ZER1: variants seen among roughly 807,000 people sequenced by gnomAD.
ZER1 encodes zyg-11 related cell cycle regulator, also known as protein zer-1 homolog.
A neutral mutation model predicts 78.8 loss-of-function variants in ZER1; 11 were observed. That is an observed-to-expected ratio of 0.14 (90% CI 0.09 to 0.23). The LOEUF (loss-of-function observed/expected upper bound fraction) is 0.23, where lower values mean the gene tolerates loss of function less well. ZER1 is among the 10% of genes least tolerant of loss of function. The pLI, the probability that ZER1 is intolerant of heterozygous loss-of-function variation, is 1.00. For synonymous variants in ZER1, 400 were observed against 407.0 expected, an observed-to-expected ratio of 0.98 and a Z score of 0.21; for missense variants, 588 against 996.9, an observed-to-expected ratio of 0.59 and a Z score of 5.52.
chr9:128,755,494 G>A lies in ZER1; in HGVS notation c.72C>T (p.Thr24=), dbSNP rs1457851789. The change falls in exon 2 of 16, where the codon ACC becomes ACT. Residue 24 remains threonine, a synonymous_variant. Coordinates refer to ENST00000291900, the MANE Select transcript of ZER1 (RefSeq NM_006336.4). This position sits in a 1 kb window ranked among gnomAD's most constrained non-coding sequence, Gnocchi z 5.6. ...TCTCCTTGTCCAGCAGGTAGCCCAG[G>A]GTGCCATCCAGGTTGCGCAAGCAGA... The part of the protein sequence containing the change: ...TDFCLRNLDG[T]LGYLLDKETL... The A allele has an allele frequency of 6.2e-7, 1 of 1,613,854 alleles. No homozygotes were observed. Among genetic ancestry groups the A allele is most frequent in the South Asian group, 1.1e-5 (1 of 91,066 alleles).
At position 128,753,062 on chromosome 9, in the gene ZER1, G is replaced by C; in HGVS notation, c.746+102C>G. On this transcript the variant is annotated intron_variant, in intron 4 of 15. Transcript: ENST00000291900. This position sits in a 1 kb window ranked among gnomAD's most constrained non-coding sequence, Gnocchi z 7.5. ...TGTCTTCATCCCCACCCTCTGCCTA[G>C]CCAAGCGCTCCTGAACCCTGAGGGC... is the stretch of plus-strand genomic sequence containing the variant. 1 of 1,299,208 alleles carries C rather than the reference G, an allele frequency of 7.7e-7. No individual in the cohort carries two copies. Among genetic ancestry groups the C allele is most frequent in the Non-Finnish European group, 1.0e-6 (1 of 969,798 alleles). 80.5% of individuals were successfully genotyped at this position (1,299,208 alleles called of 1,614,324 possible).
At chr9:128,734,691 AGATGGT>A (rs1863000154) in intron 14 of ZER1, among the ~76,000 whole-genome samples, 3 of 152,100 alleles carry the variant, frequency 2.0e-5, no homozygotes, top group Admixed American at 2.0e-4. Context: ...TGGCTCCTAA[AGATGGT>A]GATCCTTTGA....
chr9:128,749,225 G>T (rs1863598734), intron 8 of ZER1, among the ~76,000 whole-genome samples: 1 of 151,780 alleles, frequency 6.6e-6, no homozygotes, highest in African/African-American at 2.4e-5. Context: ...CCACTAGGGG[G>T]GCTGAGGCAG....
At chr9:128,742,390 C>T in intron 9 of ZER1, 140 bp downstream of exon 9, 1 of 972,924 alleles carries the variant, frequency 1.0e-6, no homozygotes, top group Non-Finnish European at 1.5e-6. Flanking sequence ...TTTGGTCTAG[C>T]CTAAATCCCT....
chr9:128,763,777 C>T (rs1864120928), intron 1 of ZER1, among the ~76,000 whole-genome samples: 1 of 152,156 alleles, frequency 6.6e-6, no homozygotes, highest in African/African-American at 2.4e-5. Context: ...CACCTGAGGT[C>T]AGGAGTTCGA....
intron 8 of ZER1, among the ~76,000 whole-genome samples, chr9:128,744,148 C>T (rs967256683): frequency 5.3e-5 from 8 of 152,040 alleles, no homozygotes; most frequent in Middle Eastern, 3.2e-3. Context: ...CCACCCACCT[C>T]GGCCTCCCAA....
intron 1 of ZER1, among the ~76,000 whole-genome samples, chr9:128,764,032 G>A (rs1362009894): frequency 6.6e-6 from 1 of 151,858 alleles, no homozygotes; most frequent in Non-Finnish European, 1.5e-5. Flanking sequence ...CAAAAGATAA[G>A]TCCTAGTTAA....
intron 14 of ZER1, among the ~76,000 whole-genome samples, chr9:128,734,625 T>C (rs905777655): frequency 1.1e-4 from 16 of 152,052 alleles, no homozygotes; most frequent in Non-Finnish European, 8.8e-5. Flanking sequence ...TGAGCCACTA[T>C]GCCTGGCCTC....
intron 15 of ZER1, among the ~76,000 whole-genome samples, chr9:128,731,611 G>A (rs893785113): frequency 1.2e-4 from 19 of 152,152 alleles, no homozygotes; most frequent in Non-Finnish European, 1.9e-4. Context: ...GCCATCCTCC[G>A]CTTCCTTCCT....
rs1030784941 is a variant in ZER1 at position 128,751,659 on chromosome 9, T to C, written c.924-132A>G. The stretch of plus-strand genomic sequence containing the variant: ...AACCTCATCCCCTACTCCTTTTGTT[T>C]TTAATGGTAGGGGACATAAGCACCA... On this transcript the variant is annotated intron_variant, in intron 5 of 15. Coordinates refer to ENST00000291900, the MANE Select transcript of ZER1 (RefSeq NM_006336.4). The surrounding 1 kb of genome is among the most constrained non-coding windows in gnomAD (Gnocchi z 5.4). 29 of 711,596 alleles carry C rather than the reference T, an allele frequency of 4.1e-5. No homozygotes were observed. In the African/African-American group the frequency reaches 5.0e-4, roughly 12 times the overall value. 44.1% of individuals were successfully genotyped at this position (711,596 alleles called of 1,614,324 possible).
rs1212245559 is a variant in ZER1, at chr9:128,755,139, C to G, written c.158+269G>C. On this transcript the variant is annotated intron_variant, in intron 2 of 15. Transcript: ENST00000291900. This position sits in a 1 kb window ranked among gnomAD's most constrained non-coding sequence, Gnocchi z 5.6. The stretch of plus-strand genomic sequence containing the variant: ...CATGCAGTTTCACAGTCAGAAATAA[C>G]CTGTGCTGCATAAGCTTACATGTGT... 6.6e-6 allele frequency among the ~76,000 whole-genome samples: 1 copy of G among 152,112 alleles called. No homozygotes were observed. Among genetic ancestry groups the G allele is most frequent in the Non-Finnish European group, 1.5e-5 (1 of 68,030 alleles).
In ZER1 at chr9:128,750,652, C is replaced by A. The variant is rs73618068; in HGVS notation, c.1323G>T (p.Val441=). The part of the protein sequence containing the change: ...SVKLRRQVIQ[V]VLNGMESYQE... Reference sequence around the variant, plus strand: ...GGTAGGATTCCATGCCATTCAGCACCACCTGGATAACCTGCCGGCGCAGCT... The same window carrying A: ...GGTAGGATTCCATGCCATTCAGCACAACCTGGATAACCTGCCGGCGCAGCT... Residue 441 remains valine, a synonymous_variant, in exon 8 of 16, where the codon GTG becomes GTT. Coordinates refer to ENST00000291900, the MANE Select transcript of ZER1 (RefSeq NM_006336.4). The A allele has an allele frequency of 3.1e-4, 501 of 1,614,232 alleles. No individual in the cohort carries two copies. In the African/African-American group the frequency reaches 6.2e-3, roughly 20 times the overall value.
At chr9:128,743,099 A>C (rs953827705) in intron 8 of ZER1, among the ~76,000 whole-genome samples, 1 of 151,482 alleles carries the variant, frequency 6.6e-6, no homozygotes, top group African/African-American at 2.4e-5. Context: ...AACCACTACA[A>C]TATCTCTGCT....
In ZER1 at chr9:128,753,204, C is replaced by T. The variant is rs1367145945; in HGVS notation, c.706G>A (p.Asp236Asn). 3 of 1,573,500 alleles carry T rather than the reference C, an allele frequency of 1.9e-6. No individual in the cohort carries two copies. The highest frequency in any genetic ancestry group is 1.7e-6 in the Non-Finnish European group (2 of 1,159,556). The change falls in exon 4 of 16, where the codon GAC (aspartate) becomes AAC (asparagine). Residue 236 changes from aspartate (D) to asparagine (N), a missense_variant. Around this residue, in one of 3 missense-constraint regions of ZER1, gnomAD observed 406 missense variants for 660.1 expected, o/e 0.62. Coordinates refer to ENST00000291900, the MANE Select transcript of ZER1 (RefSeq NM_006336.4). The surrounding 1 kb of genome is among the most constrained non-coding windows in gnomAD (Gnocchi z 7.5). ...SLVLYNMDLS[D>N]DHIRVIVQLH... is the part of the protein sequence containing the mutation. ...TGCACGATGACCCGGATGTGGTCGT[C>T]GGACAGGTCCATGTTGTAGAGGACG...
At chr9:128,760,346 G>A (rs1864002453) in intron 1 of ZER1, among the ~76,000 whole-genome samples, 1 of 152,096 alleles carries the variant, frequency 6.6e-6, no homozygotes, top group Non-Finnish European at 1.5e-5. Context: ...GAGACTACAG[G>A]CGTGTGCCAC....
At position 128,752,849 on chromosome 9, in the gene ZER1, T is replaced by C. The variant is rs1035583531; in HGVS notation, c.747A>G (p.Arg249=). Residue 249 remains arginine (R), a splice_region_variant and synonymous_variant, in exon 5 of 16, where the codon CGA becomes CGG. Transcript: ENST00000291900. Reference sequence around the variant, plus strand: ...GGCGGTCTCGGGAGATGTCCAGGTGTCTGAAGATTGGGGTAGGGGGTGCAG... The same window carrying C: ...GGCGGTCTCGGGAGATGTCCAGGTGCCTGAAGATTGGGGTAGGGGGTGCAG... ...IRVIVQLHKL[R]HLDISRDRLS... is the part of the protein sequence containing the mutation. The C allele has an allele frequency of 6.2e-7, 1 of 1,612,910 alleles. No homozygotes were observed. Among genetic ancestry groups the C allele is most frequent in the Non-Finnish European group, 8.5e-7 (1 of 1,179,326 alleles).
In ZER1 at chr9:128,751,406, T is replaced by A; in HGVS notation, c.1038+7A>T. 2 of 1,614,108 alleles carry A rather than the reference T, an allele frequency of 1.2e-6. No homozygotes were observed. Among genetic ancestry groups the A allele is most frequent in the Non-Finnish European group, 1.7e-6 (2 of 1,180,008 alleles). On this transcript the variant is annotated splice_region_variant and intron_variant, in intron 6 of 15. Transcript: ENST00000291900. This position sits in a 1 kb window ranked among gnomAD's most constrained non-coding sequence, Gnocchi z 5.4. The stretch of plus-strand genomic sequence containing the variant: ...TGGCCCAGACCCATCCCACTTCCAC[T>A]GCTCACTTTGTAGGCTGGAATGTGC...
intron 8 of ZER1, chr9:128,746,244 A>G (rs1863485578): frequency 6.6e-6 from 1 of 152,204 alleles, no homozygotes; most frequent in Non-Finnish European, 1.5e-5. Context: ...GAATTTTGGC[A>G]GGTTCTGCTG....
In ZER1 at chr9:128,751,077, A is replaced by G; in HGVS notation, c.1185+45T>C. 6.5e-7 allele frequency: 1 copy of G among 1,546,768 alleles called. No homozygotes were observed. The highest frequency in any genetic ancestry group is 8.7e-7 in the Non-Finnish European group (1 of 1,142,904). On this transcript the variant is annotated intron_variant, in intron 7 of 15. Coordinates refer to ENST00000291900, the MANE Select transcript of ZER1 (RefSeq NM_006336.4). The surrounding 1 kb of genome is among the most constrained non-coding windows in gnomAD (Gnocchi z 5.4). ...GGCTCAGCCAAGCCCGGCAACCTCCAGGTGGGGAGGGACAGGAGGCCAAGG... is the reference window on the plus strand; with the variant it reads ...GGCTCAGCCAAGCCCGGCAACCTCCGGGTGGGGAGGGACAGGAGGCCAAGG...
Sources: allele counts gnomAD v4.1 joint callset (sites outside exome capture counted in the v4.1 genomes callset), GRCh38; gene constraint gnomAD v4.1.1; regional missense constraint gnomAD v4.1.1; non-coding constraint Gnocchi (gnomAD v3.1); transcripts MANE v1.5; gene names NCBI Gene and HGNC (gene_info 2026-07-23, HGNC 2026-07-21).